ARHGEF10L: variants seen among roughly 807,000 people sequenced by gnomAD.
ARHGEF10L encodes the protein rho guanine nucleotide exchange factor 10-like protein.
Under a neutral mutation model 141.2 loss-of-function variants are expected in ARHGEF10L, and 69 were observed. The observed-to-expected ratio is 0.49, with a 90% CI of 0.40 to 0.60. The LOEUF is 0.60. Among genes scored for constraint, ARHGEF10L ranks in the 20% least tolerant of loss-of-function variants. The probability of loss-of-function intolerance (pLI) is 0.00; values close to 1 mark genes in which losing one functional copy is unlikely to be tolerated. For synonymous variants in ARHGEF10L, 711 were observed against 718.5 expected (o/e 0.99, Z 0.17); for missense variants, 1,482 against 1,734.3 (o/e 0.85, Z 2.58).
chr1:17,638,108 C>G, intron 19 of ARHGEF10L, 105 bp downstream of exon 19: 1 of 995,792 alleles, frequency 1.0e-6, no homozygotes, highest in Non-Finnish European at 1.5e-6. Flanking sequence ...CCCATGTCCC[C>G]GATGTGCTCC....
At chr1:17,676,418 A>G (rs1447126346) in intron 26 of ARHGEF10L, among the ~76,000 whole-genome samples, 5 of 134,424 alleles carry the variant, frequency 3.7e-5, no homozygotes, top group South Asian at 2.5e-4. Context: ...GTTCATGTGT[A>G]GGTGCAGGCA....
intron 4 of ARHGEF10L, among the ~76,000 whole-genome samples, chr1:17,601,013 G>A (rs2080602541): frequency 1.5e-5 from 2 of 137,880 alleles, no homozygotes; most frequent in South Asian, 2.3e-4. Context: ...TCGCACCACC[G>A]CCCTGAAGCC....
intron 1 of ARHGEF10L, among the ~76,000 whole-genome samples, chr1:17,564,650 C>T (rs968484428): frequency 6.6e-6 from 1 of 152,138 alleles, no homozygotes; most frequent in African/African-American, 2.4e-5. Context: ...TATGTGACCT[C>T]GAGCAATTTT....
chr1:17,588,899 T>TCTGTGTGTGTGTGTGTG (rs1557758147), intron 4 of ARHGEF10L, among the ~76,000 whole-genome samples: 1 of 30,052 alleles, frequency 3.3e-5, no homozygotes, highest in African/African-American at 1.3e-4. Context: ...TGTGTGTGTG[T>TCTGTGTGTGTGTGTGTG]AGTGGGGGAG....
At chr1:17,645,387 T>TA (rs2061539689) in intron 21 of ARHGEF10L, among the ~76,000 whole-genome samples, 1 of 151,766 alleles carries the variant, frequency 6.6e-6, no homozygotes, top group African/African-American at 2.4e-5. Context: ...TTAAAAAAAA[T>TA]ACGTATGAAT....
In ARHGEF10L at chr1:17,638,683, C is replaced by G; in HGVS notation, c.2165C>G (p.Pro722Arg). The G allele has an allele frequency of 6.2e-7, 1 of 1,613,988 alleles. No homozygotes were observed. Among genetic ancestry groups the G allele is most frequent in the East Asian group, 2.2e-5 (1 of 44,862 alleles). ...CRLRLLLPGK[P>R]DKSGRPISFM... is the part of the protein sequence containing the mutation. ...CTCAGGCTCCTGCTTCCTGGGAAAC[C>G]CGACAAGTGAGAGGAGGGGGTCTTG... The change falls in exon 20 of 29, where the codon CCC becomes CGC. Residue 722 changes from proline to arginine, a missense_variant. Around this residue, in one of 3 missense-constraint regions of ARHGEF10L, gnomAD observed 858 missense variants for 966.3 expected, o/e 0.89. Coordinates refer to ENST00000361221, the MANE Select transcript of ARHGEF10L (RefSeq NM_018125.4).
At chr1:17,601,063 A>AC (rs2080623045) in intron 4 of ARHGEF10L, among the ~76,000 whole-genome samples, 1 of 148,134 alleles carries the variant, frequency 6.8e-6, no homozygotes, top group African/African-American at 2.6e-5. Flanking sequence ...AAAAAAAAAA[A>AC]AAAAACAAAA....
At chr1:17,669,848 C>T (rs2063206529) in intron 26 of ARHGEF10L, among the ~76,000 whole-genome samples, 1 of 152,206 alleles carries the variant, frequency 6.6e-6, no homozygotes, top group African/African-American at 2.4e-5. Context: ...GCTCGGAGTC[C>T]AGTGTGCAGA....
In ARHGEF10L at chr1:17,619,497, G is replaced by A; in HGVS notation, c.942+52G>A. The A allele has an allele frequency of 7.0e-7, 1 of 1,419,644 alleles. No homozygotes were observed. Among genetic ancestry groups the A allele is most frequent in the Non-Finnish European group, 9.6e-7 (1 of 1,041,392 alleles). The allele number at this position is 1,419,644 out of a possible 1,614,324, so 87.9% of individuals were successfully genotyped here. A position where few individuals can be genotyped will look rare whatever the true frequency, so the allele number is the denominator to read the frequency against. ...GGTCTGCAGGGGAAGGGGTGGCTTG[G>A]GGGTTCCAGCCTGTTCTCTGGGGCC... On this transcript the variant is annotated intron_variant, in intron 10 of 28. Transcript: ENST00000361221. The surrounding 1 kb of genome is among the most constrained non-coding windows in gnomAD (Gnocchi z 5.0).
Position 17,664,636 on chromosome 1 carries a change from C to T in ARHGEF10L, c.3009+41C>T, listed in dbSNP as rs758775681. The T allele has an allele frequency of 4.7e-6, 7 of 1,476,240 alleles. No homozygotes were observed. The African/African-American group carries it at 8.5e-5, about 18-fold the overall frequency. 91.4% of individuals were successfully genotyped at this position (1,476,240 alleles called of 1,614,324 possible). On this transcript the variant is annotated intron_variant, in intron 26 of 28. Transcript: ENST00000361221. ...TTGGCTTGTGGCCCTGGAGGCCTGC[C>T]TTCCTTTTGCTGACCCTTTCTTATG...
At chr1:17,570,562 G>A (rs1483138322) in intron 1 of ARHGEF10L, among the ~76,000 whole-genome samples, 2 of 152,082 alleles carry the variant, frequency 1.3e-5, no homozygotes, top group Admixed American at 6.6e-5. Context: ...GCTCTGACAC[G>A]TGGGGCCTCA....
chr1:17,557,868 G>C (rs184514579), intron 1 of ARHGEF10L, among the ~76,000 whole-genome samples: 1 of 152,264 alleles, frequency 6.6e-6, no homozygotes, highest in East Asian at 1.9e-4. Context: ...GAAATGGTTG[G>C]GTCAGACTAA....
chr1:17,625,843 C>A lies in ARHGEF10L; in HGVS notation c.1318-113C>A. 1.2e-6 allele frequency: 1 copy of A among 848,794 alleles called. No homozygotes were observed. The highest frequency in any genetic ancestry group is 1.9e-6 in the Non-Finnish European group (1 of 529,446). 52.6% of individuals were successfully genotyped at this position (848,794 alleles called of 1,614,324 possible). On this transcript the variant is annotated intron_variant, in intron 13 of 28. Transcript: ENST00000361221. The surrounding 1 kb of genome is among the most constrained non-coding windows in gnomAD (Gnocchi z 4.5). ...CTCTTCTTGCAAGCCCAGGGATAGGCAGGGTCTTAGGGCCTGGGGAGAGGA... is the reference window on the plus strand; with the variant it reads ...CTCTTCTTGCAAGCCCAGGGATAGGAAGGGTCTTAGGGCCTGGGGAGAGGA...
chr1:17,624,565 G>C, intron 13 of ARHGEF10L, 62 bp downstream of exon 13: 1 of 1,417,744 alleles, frequency 7.1e-7, no homozygotes, highest in Non-Finnish European at 1.0e-6. Flanking sequence ...TCAGGAGGAA[G>C]GGAGCATTTT....
At chr1:17,687,468 G>C in intron 26 of ARHGEF10L, 105 bp from the exon 27 acceptor site, 1 of 1,301,902 alleles carries the variant, frequency 7.7e-7, no homozygotes, top group South Asian at 1.4e-5. Flanking sequence ...TGAGTAGCTT[G>C]AGCTTTTGAA....
At chr1:17,680,935 C>G (rs974977341) in intron 26 of ARHGEF10L, among the ~76,000 whole-genome samples, 2 of 152,058 alleles carry the variant, frequency 1.3e-5, no homozygotes, top group African/African-American at 2.4e-5. Context: ...AAGTGCCCAC[C>G]ACCATGCCCA....
At chr1:17,651,189 A>C (rs1298518804) in intron 22 of ARHGEF10L, among the ~76,000 whole-genome samples, 1 of 152,024 alleles carries the variant, frequency 6.6e-6, no homozygotes, top group Non-Finnish European at 1.5e-5. Context: ...TGCCCTTTTA[A>C]ATTTTGTACC....
At chr1:17,690,427 G>T (rs2065016965) in intron 27 of ARHGEF10L, among the ~76,000 whole-genome samples, 1 of 152,252 alleles carries the variant, frequency 6.6e-6, no homozygotes, top group Admixed American at 6.5e-5. Flanking sequence ...GCCAGCAGCG[G>T]TCCATGATGG....
chr1:17,515,899 A>G, the ARHGEF10L span, among the ~76,000 whole-genome samples: 1 of 152,172 alleles, frequency 6.6e-6, no homozygotes. Context: ...GCCTGAGTCA[A>G]ATGCTGGGAT....
Sources: gnomAD v4.1 joint callset for allele counts (sites outside exome capture counted in the v4.1 genomes callset) on GRCh38, gnomAD v4.1.1 for gene constraint, gnomAD v4.1.1 regional missense constraint, Gnocchi (gnomAD v3.1) non-coding constraint, MANE v1.5 for transcripts, NCBI Gene and HGNC (gene_info 2026-07-23, HGNC 2026-07-21) for gene names.